Variants in STK39 observed in about 807,000 individuals in gnomAD.
STK39 encodes STE20/SPS1-related proline-alanine-rich protein kinase.
STK39 carries 20 observed loss-of-function variants against 77.8 expected under a neutral mutation model. The ratio of observed to expected loss-of-function variants is 0.26; its 90% CI spans 0.18 to 0.37. The LOEUF is 0.37. Among genes scored for constraint, STK39 ranks in the 10% least tolerant of loss-of-function variants. STK39 has a pLI of 1.00. For missense variants in STK39, 479 were observed against 656.5 expected, an observed-to-expected ratio of 0.73 and a Z score of 2.95; for synonymous variants, 246 against 234.1, an observed-to-expected ratio of 1.05 and a Z score of -0.47.
intron 6 of STK39, 31 bp downstream of exon 6, chr2:168,140,618 C>T (rs1687956812): frequency 6.6e-7 from 1 of 1,524,944 alleles, no homozygotes; most frequent in Non-Finnish European, 9.0e-7. Flanking sequence ...GTACTATGTC[C>T]ATCAAAAAGT....
At chr2:168,242,640 T>C (rs1252910641) in intron 1 of STK39, among the ~76,000 whole-genome samples, 2 of 143,490 alleles carry the variant, frequency 1.4e-5, no homozygotes, top group Non-Finnish European at 3.0e-5. Context: ...TCCCAACACA[T>C]TGGGAAGCCA....
intron 1 of STK39, among the ~76,000 whole-genome samples, chr2:168,213,019 C>T (rs1273362158): frequency 6.6e-6 from 1 of 152,220 alleles, no homozygotes; most frequent in African/African-American, 2.4e-5. Flanking sequence ...ATGATCCATT[C>T]ATCCTGTTGG....
intron 7 of STK39, among the ~76,000 whole-genome samples, chr2:168,139,921 G>A (rs1354367832): frequency 1.3e-5 from 2 of 152,076 alleles, no homozygotes; most frequent in African/African-American, 2.4e-5. Flanking sequence ...GAAAATCTGG[G>A]AAACCCATTT....
intron 16 of STK39, among the ~76,000 whole-genome samples, chr2:167,983,045 A>G (rs1052585324): frequency 2.0e-5 from 3 of 152,238 alleles, no homozygotes; most frequent in South Asian, 2.1e-4. Flanking sequence ...GCACATAGAT[A>G]ATTATGGAAT....
chr2:167,958,961 T>C lies in STK39; in HGVS notation c.1564-3391A>G, dbSNP rs1304644898. On this transcript the variant is annotated intron_variant, in intron 17 of 17. Coordinates refer to ENST00000355999, the MANE Select transcript of STK39 (RefSeq NM_013233.3). ...ATACAATGTCAACAAATCATACCCA[T>C]TAACATCACCCATCACCAATCTCAT... Among the ~76,000 whole-genome samples, 3 of 152,316 alleles carry C rather than the reference T, an allele frequency of 2.0e-5. No individual in the cohort carries two copies. The South Asian group carries it at 6.2e-4, about 32-fold the overall frequency.
chr2:168,061,482 CGT>C (rs751592807), intron 14 of STK39, among the ~76,000 whole-genome samples: 1 of 152,052 alleles, frequency 6.6e-6, no homozygotes, highest in Admixed American at 6.6e-5. Flanking sequence ...AGTGTATGTG[CGT>C]GTGTGTGCAC....
chr2:168,007,012 ACTG>A (rs1301092481), intron 16 of STK39, among the ~76,000 whole-genome samples: 2 of 152,234 alleles, frequency 1.3e-5, no homozygotes, highest in African/African-American at 4.8e-5. Flanking sequence ...GATAACATTC[ACTG>A]CTCCATAACA....
chr2:168,006,089 G>C (rs1423124287), intron 16 of STK39, among the ~76,000 whole-genome samples: 1 of 152,174 alleles, frequency 6.6e-6, no homozygotes, highest in Non-Finnish European at 1.5e-5. Flanking sequence ...AAAGGAAACA[G>C]ACATATGTTG....
intron 10 of STK39, among the ~76,000 whole-genome samples, chr2:168,077,469 T>C (rs1686110252): frequency 6.6e-6 from 1 of 152,326 alleles, no homozygotes; most frequent in Admixed American, 6.5e-5. Flanking sequence ...TAAAACAAAA[T>C]GTCTAGGATT....
Position 168,247,411 on chromosome 2 carries a change from C to T in STK39, c.25G>A (p.Val9Met). MAEPSGSP[V>M]HVQLPQQAAP... ...GCCTGCTGGGGAAGCTGGACGTGCACGGGCGAGCCGCTCGGCTCCGCCATG... is the reference window on the plus strand; with the variant it reads ...GCCTGCTGGGGAAGCTGGACGTGCATGGGCGAGCCGCTCGGCTCCGCCATG... Residue 9 changes from valine (V) to methionine (M), a missense_variant, in exon 1 of 18, where the codon GTG (valine) becomes ATG (methionine). Val to Met is a conservative substitution (Grantham distance 21). Coordinates refer to ENST00000355999, the MANE Select transcript of STK39 (RefSeq NM_013233.3). The T allele has an allele frequency of 2.5e-6, 3 of 1,210,280 alleles. No individual in the cohort carries two copies. The highest frequency in any genetic ancestry group is 3.1e-6 in the Non-Finnish European group (3 of 967,026). The allele number at this position is 1,210,280 out of a possible 1,614,324, so 75.0% of individuals were successfully genotyped here.
At chr2:168,034,594 T>A (rs1409844267) in intron 14 of STK39, among the ~76,000 whole-genome samples, 1 of 152,186 alleles carries the variant, frequency 6.6e-6, no homozygotes, top group African/African-American at 2.4e-5. Flanking sequence ...TGTTACACAC[T>A]CTCCAGCATT....
chr2:168,006,419 T>C (rs1258729396), intron 16 of STK39, among the ~76,000 whole-genome samples: 2 of 152,186 alleles, frequency 1.3e-5, no homozygotes, highest in Non-Finnish European at 2.9e-5. Flanking sequence ...TTTGTACATA[T>C]GAATTTTGTG....
chr2:168,244,463 T>G (rs1365727218), intron 1 of STK39, among the ~76,000 whole-genome samples: 3 of 152,180 alleles, frequency 2.0e-5, no homozygotes, highest in African/African-American at 4.8e-5. Flanking sequence ...CTGGTCACGG[T>G]TCACACTGCT....
intron 8 of STK39, among the ~76,000 whole-genome samples, chr2:168,130,960 C>T (rs1034313335): frequency 6.6e-6 from 1 of 152,194 alleles, no homozygotes; most frequent in African/African-American, 2.4e-5. Context: ...GGACTGGATC[C>T]TGGGCTTGAG....
At position 168,138,081 on chromosome 2, in the gene STK39, C is replaced by T. The variant is rs758035057; in HGVS notation, c.974+7G>A. 1.2e-6 allele frequency: 2 copies of T among 1,613,002 alleles called. No individual in the cohort carries two copies. Among genetic ancestry groups the T allele is most frequent in the East Asian group, 4.5e-5 (2 of 44,834 alleles). ...GGTCATTAACTCATCCACTAAGTTT[C>T]ACTTACCTTTTGGAAGGATCTTTCT... On this transcript the variant is annotated splice_region_variant and intron_variant, in intron 8 of 17. Transcript: ENST00000355999.
chr2:168,141,198 A>G (rs552378997), intron 5 of STK39, among the ~76,000 whole-genome samples: 2 of 152,322 alleles, frequency 1.3e-5, no homozygotes, highest in African/African-American at 4.8e-5. Context: ...TATATATAGA[A>G]GTTAATTTTA....
At chr2:168,110,091 T>C (rs1214119929) in intron 10 of STK39, among the ~76,000 whole-genome samples, 2 of 152,240 alleles carry the variant, frequency 1.3e-5, no homozygotes, top group Non-Finnish European at 2.9e-5. Flanking sequence ...CCTTTGACTC[T>C]TATTTAAAAA....
intron 14 of STK39, among the ~76,000 whole-genome samples, chr2:168,056,335 C>T (rs1228378101): frequency 4.0e-5 from 6 of 150,638 alleles, no homozygotes; most frequent in South Asian, 2.1e-4. Context: ...GGTGAGCTTC[C>T]GGGGGGAGGG....
At chr2:168,003,820 T>C (rs2105301267) in intron 16 of STK39, among the ~76,000 whole-genome samples, 1 of 152,342 alleles carries the variant, frequency 6.6e-6, no homozygotes, top group South Asian at 2.1e-4. Flanking sequence ...AAAATCATAG[T>C]ACAGTTGTGT....
Sources: gnomAD v4.1 joint callset for allele counts (sites outside exome capture counted in the v4.1 genomes callset) on GRCh38, gnomAD v4.1.1 for gene constraint, MANE v1.5 for transcripts, NCBI Gene and HGNC (gene_info 2026-07-23, HGNC 2026-07-21) for gene names.